The following HIVEP1 variants were observed in gnomAD, a reference collection of about 807,000 sequenced individuals.
HIVEP1 encodes the protein HIVEP zinc finger 1.
In HIVEP1, 36 loss-of-function variants were observed where a neutral mutation model predicts 180.0. The ratio of observed to expected loss-of-function variants is 0.20; its 90% CI spans 0.15 to 0.26. The LOEUF is 0.26. Among genes scored for constraint, HIVEP1 ranks in the 10% least tolerant of loss-of-function variants. The pLI, the probability that HIVEP1 is intolerant of heterozygous loss-of-function variation, is 1.00. For missense variants in HIVEP1, 3,143 were observed against 3,268.7 expected, an observed-to-expected ratio of 0.96 and a Z score of 0.94; for synonymous variants, 1,239 against 1,239.0, an observed-to-expected ratio of 1.00 and a Z score of 0.00.
chr6:12,021,498 C>T (rs993026493), intron 2 of HIVEP1, among the ~76,000 whole-genome samples: 6 of 152,216 alleles, frequency 3.9e-5, no homozygotes, highest in African/African-American at 1.4e-4. Context: ...CTCCTCCCCT[C>T]CACAGACATG....
chr6:12,163,544 TCCACGTTTGTGCC>T lies in HIVEP1; in HGVS notation c.7243_7255del (p.Thr2415PhefsTer42). ...TGTGGTACCTGCTGGCCTCACATAC[TCCACGTTTGTGCC>T]CCTTCAGGCTGGACCAGTGCAGCTC... On this transcript the variant is annotated frameshift_variant, in exon 9 of 9. Coordinates refer to ENST00000379388, the MANE Select transcript of HIVEP1 (RefSeq NM_002114.4). LOFTEE classifies it low-confidence loss of function (END_TRUNC). 6.2e-7 allele frequency: 1 copy of T among 1,614,204 alleles called. No homozygotes were observed. Among genetic ancestry groups the T allele is most frequent in the Non-Finnish European group, 8.5e-7 (1 of 1,180,036 alleles).
In HIVEP1 at chr6:12,050,967, C is replaced by T. The variant is rs371738894; in HGVS notation, c.40+35299C>T. 4.5e-5 allele frequency among the ~76,000 whole-genome samples: 6 copies of T among 133,608 alleles called. No individual in the cohort carries two copies. The East Asian group carries it at 1.1e-3, about 25-fold the overall frequency. The allele number at this position is 133,608 out of a possible 152,430, so 87.7% of individuals were successfully genotyped here. A position where few individuals can be genotyped will look rare whatever the true frequency, so the allele number is the denominator to read the frequency against. ...GTTGCTTCCAGGCCTGTTCAGTGGA[C>T]GCTGAGTGCATGTGTGTAGCAGATA... On this transcript the variant is annotated intron_variant, in intron 2 of 8. Transcript: ENST00000379388.
intron 2 of HIVEP1, among the ~76,000 whole-genome samples, chr6:12,022,356 GA>G (rs1170921028): frequency 3.9e-5 from 6 of 151,926 alleles, no homozygotes; most frequent in Admixed American, 6.6e-5. Context: ...ATTTTTAGTA[GA>G]GATGGGATTT....
At chr6:12,190,411 C>G in the HIVEP1 span, among the ~76,000 whole-genome samples, 1 of 152,152 alleles carries the variant, frequency 6.6e-6, no homozygotes, top group Non-Finnish European at 1.5e-5. Flanking sequence ...CACCTTGTTC[C>G]TCCCACCTCC....
chr6:12,094,052 TATC>T (rs1773646872), intron 3 of HIVEP1, among the ~76,000 whole-genome samples: 2 of 152,058 alleles, frequency 1.3e-5, no homozygotes. Flanking sequence ...TTTAGTGTCT[TATC>T]ATTTTCCTCC....
At chr6:12,152,419 A>G (rs1759760803) in intron 7 of HIVEP1, among the ~76,000 whole-genome samples, 1 of 152,012 alleles carries the variant, frequency 6.6e-6, no homozygotes, top group South Asian at 2.1e-4. Context: ...GGGCAGGGGC[A>G]GAGGTTAAGG....
chr6:12,204,519 C>T, the HIVEP1 span, among the ~76,000 whole-genome samples: 7 of 152,136 alleles, frequency 4.6e-5, no homozygotes, highest in Non-Finnish European at 1.0e-4. Flanking sequence ...AAAAAATCCC[C>T]CGACTAAGAA....
At chr6:12,201,495 C>CAAACAAAACA in the HIVEP1 span, among the ~76,000 whole-genome samples, 16 of 151,340 alleles carry the variant, frequency 1.1e-4, no homozygotes, top group African/African-American at 2.4e-4. Flanking sequence ...AACAAACAAA[C>CAAACAAAACA]AAACAAAACA....
intron 2 of HIVEP1, among the ~76,000 whole-genome samples, chr6:12,060,192 A>G (rs1050778753): frequency 2.6e-5 from 4 of 152,262 alleles, no homozygotes; most frequent in African/African-American, 9.6e-5. Flanking sequence ...GGATTAAAAC[A>G]TACTTTAAAA....
rs558314340 is a variant in HIVEP1, at chr6:12,050,600, A to T, written c.40+34932A>T. On this transcript the variant is annotated intron_variant, in intron 2 of 8. Transcript: ENST00000379388. ...GACTCCGTCTCAAAAAAAAAAAAAT[A>T]AAAAAATTAAACACCATGGGTCCAG... is the stretch of plus-strand genomic sequence containing the variant. 2.9e-4 allele frequency among the ~76,000 whole-genome samples: 43 copies of T among 149,648 alleles called. No individual in the cohort carries two copies. The East Asian group carries it at 6.2e-3, about 22-fold the overall frequency.
the HIVEP1 span, among the ~76,000 whole-genome samples, chr6:12,175,462 C>T: frequency 6.6e-6 from 1 of 152,120 alleles, no homozygotes; most frequent in African/African-American, 2.4e-5. Flanking sequence ...TAAATGTTAG[C>T]ACTAGTTATT....
At chr6:12,034,192 G>A (rs1375423002) in intron 2 of HIVEP1, among the ~76,000 whole-genome samples, 1 of 152,196 alleles carries the variant, frequency 6.6e-6, no homozygotes, top group Non-Finnish European at 1.5e-5. Context: ...CAAGCAAGAA[G>A]TTATGTATGT....
At chr6:12,190,424 T>C in the HIVEP1 span, among the ~76,000 whole-genome samples, 1 of 152,154 alleles carries the variant, frequency 6.6e-6, no homozygotes, top group Non-Finnish European at 1.5e-5. Flanking sequence ...CCACCTCCTC[T>C]CACTCCGCAG....
intron 2 of HIVEP1, among the ~76,000 whole-genome samples, chr6:12,053,280 A>G (rs1175250682): frequency 6.6e-6 from 1 of 152,004 alleles, no homozygotes; most frequent in Admixed American, 6.6e-5. Flanking sequence ...TATATAGCCA[A>G]ATTTTATTTG....
chr6:12,195,247 A>C, the HIVEP1 span, among the ~76,000 whole-genome samples: 39 of 152,222 alleles, frequency 2.6e-4, no homozygotes, highest in Non-Finnish European at 1.5e-5. Context: ...CATGGGTCTG[A>C]TCTCTTTCAT....
intron 3 of HIVEP1, among the ~76,000 whole-genome samples, chr6:12,109,001 A>G (rs1018580231): frequency 6.6e-6 from 1 of 151,856 alleles, no homozygotes; most frequent in African/African-American, 2.4e-5. Flanking sequence ...TTTTTTTGAG[A>G]CAGACTCTCG....
At position 12,163,805 on chromosome 6, in the gene HIVEP1, C is replaced by G. The variant is rs773233128; in HGVS notation, c.7501C>G (p.Leu2501Val). The G allele has an allele frequency of 6.2e-7, 1 of 1,614,114 alleles. No homozygotes were observed. Among genetic ancestry groups the G allele is most frequent in the Admixed American group, 1.7e-5 (1 of 60,022 alleles). The part of the protein sequence containing the change: ...LSMETVNIVG[L>V]ANTNMAPQVH... ...CATGGAAACCGTCAATATTGTAGGCCTAGCCAATACAAATATGGCCCCACA... is the reference window on the plus strand; with the variant it reads ...CATGGAAACCGTCAATATTGTAGGCGTAGCCAATACAAATATGGCCCCACA... Residue 2501 changes from leucine to valine, a missense_variant, in exon 9 of 9, where the codon CTA (leucine) becomes GTA (valine). This residue lies in a region of HIVEP1 where 595 missense variants were observed against 602.2 expected (regional missense o/e 0.99). Transcript: ENST00000379388.
At chr6:12,134,588 T>C (rs1304047716) in intron 6 of HIVEP1, among the ~76,000 whole-genome samples, 1 of 152,256 alleles carries the variant, frequency 6.6e-6, no homozygotes, top group Non-Finnish European at 1.5e-5. Flanking sequence ...TATTCTCAAA[T>C]ACTACTTTGC....
chr6:12,116,661 G>GA (rs945054313), intron 3 of HIVEP1, among the ~76,000 whole-genome samples: 1 of 152,066 alleles, frequency 6.6e-6, no homozygotes, highest in African/African-American at 2.4e-5. Context: ...CAAGGACAGT[G>GA]AACCTGTTAA....
Sources: allele counts gnomAD v4.1 joint callset (sites outside exome capture counted in the v4.1 genomes callset), GRCh38; gene constraint gnomAD v4.1.1; regional missense constraint gnomAD v4.1.1; transcripts MANE v1.5; gene names NCBI Gene and HGNC (gene_info 2026-07-23, HGNC 2026-07-21).